The following GALNT15 variants were observed in gnomAD, a reference collection of about 807,000 sequenced individuals.
The protein encoded by GALNT15 is UDP-GalNAc transferase T15.
A neutral mutation model predicts 66.8 loss-of-function variants in GALNT15; 67 were observed. The ratio of observed to expected loss-of-function variants is 1.00; its 90% confidence interval spans 0.82 to 1.23. The LOEUF (loss-of-function observed/expected upper bound fraction) is 1.23. Among genes scored for constraint, GALNT15 ranks in the 50% most tolerant of loss-of-function variants. The pLI is 0.00. For missense variants in GALNT15, 827 were observed against 804.3 expected, an observed-to-expected ratio of 1.03 and a Z score of -0.34; for synonymous variants, 313 against 311.5, an observed-to-expected ratio of 1.00 and a Z score of -0.05.
downstream of GALNT15, chr3:16,232,031 A>G: frequency 7.5e-7 from 1 of 1,329,798 alleles, no homozygotes; most frequent in Non-Finnish European, 1.0e-6. Flanking sequence ...CAGATGCACC[A>G]ATGCAGAAAC....
downstream of GALNT15, among the ~76,000 whole-genome samples, chr3:16,236,317 A>G (rs9870618): frequency 9.0e-3 from 1,376 of 152,310 alleles, 22 homozygotes; most frequent in African/African-American, 0.031. Context: ...GGAAAGTGCT[A>G]TACACTGTTT....
chr3:16,184,552 G>A lies in GALNT15; in HGVS notation c.539+8862G>A, dbSNP rs556564599. Among the ~76,000 whole-genome samples, 1 of 152,252 alleles carries A rather than the reference G, an allele frequency of 6.6e-6. No individual in the cohort carries two copies. Among genetic ancestry groups the A allele is most frequent in the South Asian group, 2.1e-4 (1 of 4,822 alleles). On this transcript the variant is annotated intron_variant, in intron 1 of 9. Coordinates refer to ENST00000339732, the MANE Select transcript of GALNT15 (RefSeq NM_054110.5). The surrounding 1 kb of genome is among the most constrained non-coding windows in gnomAD (Gnocchi z 5.0). ...CTTCAGGTCTTGGCTTTGATTTCAC[G>A]TCCCTACATCCAGAACGTCTCACTA...
At position 16,184,037 on chromosome 3, in the gene GALNT15, C is replaced by T. The variant is rs1376913424; in HGVS notation, c.539+8347C>T. On this transcript the variant is annotated intron_variant, in intron 1 of 9. Transcript: ENST00000339732. This position sits in a 1 kb window ranked among gnomAD's most constrained non-coding sequence, Gnocchi z 5.0. ...ATTATCCCTTTCAATCCAGGACACA[C>T]CCCTGGGCTGGAGAAAGGTATCAAC... Among the ~76,000 whole-genome samples, 2 of 152,158 alleles carry T rather than the reference C, an allele frequency of 1.3e-5. No individual in the cohort carries two copies. The highest frequency in any genetic ancestry group is 2.4e-5 in the African/African-American group (1 of 41,418).
intron 1 of GALNT15, among the ~76,000 whole-genome samples, chr3:16,177,732 T>A (rs2063425604): frequency 6.6e-6 from 1 of 152,262 alleles, no homozygotes; most frequent in African/African-American, 2.4e-5. Flanking sequence ...TTTGCATATG[T>A]TCACGTGGTG....
In GALNT15 at chr3:16,180,408, C is replaced by G. The variant is rs1281593673; in HGVS notation, c.539+4718C>G. ...ATGCTCCATTTCTATCAAAGGCACTCCAAGGTGGCACCAGCACTGTTGGCC... is the reference window on the plus strand; with the variant it reads ...ATGCTCCATTTCTATCAAAGGCACTGCAAGGTGGCACCAGCACTGTTGGCC... On this transcript the variant is annotated intron_variant, in intron 1 of 9. Transcript: ENST00000339732. This position sits in a 1 kb window ranked among gnomAD's most constrained non-coding sequence, Gnocchi z 5.0. 6.6e-6 allele frequency among the ~76,000 whole-genome samples: 1 copy of G among 152,196 alleles called. No homozygotes were observed. The highest frequency in any genetic ancestry group is 1.5e-5 in the Non-Finnish European group (1 of 68,044).
chr3:16,222,107 A>C (rs7648940), intron 8 of GALNT15, among the ~76,000 whole-genome samples: 107,562 of 152,036 alleles, frequency 0.71, 38,581 homozygotes, highest in African/African-American at 0.79. Flanking sequence ...CTAATTAATC[A>C]TCACAAGATC....
rs1467728241 is a variant in GALNT15 at position 16,227,524 on chromosome 3, G to T, written c.*24G>T. 1.2e-6 allele frequency: 2 copies of T among 1,614,076 alleles called. No homozygotes were observed. Among genetic ancestry groups the T allele is most frequent in the Non-Finnish European group, 8.5e-7 (1 of 1,179,972 alleles). ...GAATGTCAATGTCAGAAGGAAAAGAGAATTTTGGCCATCAAAATCCAGCTC... is the reference window on the plus strand; with the variant it reads ...GAATGTCAATGTCAGAAGGAAAAGATAATTTTGGCCATCAAAATCCAGCTC... On this transcript the variant is annotated 3_prime_UTR_variant, in exon 10 of 10. Coordinates refer to ENST00000339732, the MANE Select transcript of GALNT15 (RefSeq NM_054110.5). This position sits in a 1 kb window ranked among gnomAD's most constrained non-coding sequence, Gnocchi z 4.5.
the GALNT15 span, among the ~76,000 whole-genome samples, chr3:16,242,820 G>A: frequency 3.9e-5 from 6 of 152,008 alleles, no homozygotes; most frequent in African/African-American, 1.5e-4. This position sits in a 1 kb window ranked among gnomAD's most constrained non-coding sequence, Gnocchi z 5.6. Context: ...TAAGAAGGAG[G>A]TGGTGGTAGG....
At chr3:16,237,602 G>A in the GALNT15 span, among the ~76,000 whole-genome samples, 3 of 152,200 alleles carry the variant, frequency 2.0e-5, no homozygotes, top group Non-Finnish European at 2.9e-5. The surrounding 1 kb of genome is among the most constrained non-coding windows in gnomAD (Gnocchi z 4.2). Flanking sequence ...TGAGTACCCA[G>A]GTGGAAGCCA....
At chr3:16,202,903 A>C (rs930471820) in intron 3 of GALNT15, among the ~76,000 whole-genome samples, 3 of 152,368 alleles carry the variant, frequency 2.0e-5, no homozygotes, top group African/African-American at 7.2e-5. Context: ...TCACACAGCC[A>C]TTTGACAACT....
rs766254616 is a variant in GALNT15, at chr3:16,176,810, A to T, written c.539+1120A>T. Among the ~76,000 whole-genome samples the T allele has an allele frequency of 1.3e-5, 2 of 152,128 alleles. No homozygotes were observed. Among genetic ancestry groups the T allele is most frequent in the African/African-American group, 4.8e-5 (2 of 41,410 alleles). ...GGAAGCAGGGCCACACACTCTTCGG[A>T]TCCCTGATCTAGTTCCCCTCAGCCT... is the stretch of plus-strand genomic sequence containing the variant. On this transcript the variant is annotated intron_variant, in intron 1 of 9. Transcript: ENST00000339732. This position sits in a 1 kb window ranked among gnomAD's most constrained non-coding sequence, Gnocchi z 5.6.
chr3:16,186,795 T>G lies in GALNT15; in HGVS notation c.540-8965T>G, dbSNP rs1191161553. Among the ~76,000 whole-genome samples, 1 of 152,032 alleles carries G rather than the reference T, an allele frequency of 6.6e-6. No individual in the cohort carries two copies. Among genetic ancestry groups the G allele is most frequent in the African/African-American group, 2.4e-5 (1 of 41,412 alleles). The stretch of plus-strand genomic sequence containing the variant: ...CGGGCTGTGGTAGTTGTGGGAGCAG[T>G]GGGAAGTGACTGCCAATGGGTAGTA... On this transcript the variant is annotated intron_variant, in intron 1 of 9. Transcript: ENST00000339732. The surrounding 1 kb of genome is among the most constrained non-coding windows in gnomAD (Gnocchi z 5.1).
chr3:16,210,575 G>T (rs1378939757), intron 4 of GALNT15, among the ~76,000 whole-genome samples: 1 of 152,150 alleles, frequency 6.6e-6, no homozygotes, highest in African/African-American at 2.4e-5. Flanking sequence ...CCTTATTAAA[G>T]GTTTCTAGCT....
chr3:16,208,375 T>G, intron 3 of GALNT15, 128 bp from the exon 4 acceptor site: 1 of 779,342 alleles, frequency 1.3e-6, no homozygotes, highest in Non-Finnish European at 2.0e-6. Context: ...CCACACCTGA[T>G]TTGGATAAAC....
Position 16,227,310 on chromosome 3 carries a change from T to C in GALNT15, c.1774-44T>C, listed in dbSNP as rs756377403. On this transcript the variant is annotated intron_variant, in intron 9 of 9. Transcript: ENST00000339732. This position sits in a 1 kb window ranked among gnomAD's most constrained non-coding sequence, Gnocchi z 4.5. ...AAAATATTTTCTTTTGCTGACTGAT[T>C]GTGGGGGACTGGTTTTCTTTTCTTT... 4.4e-6 allele frequency: 7 copies of C among 1,587,080 alleles called. No individual in the cohort carries two copies. The East Asian group carries it at 1.6e-4, about 35-fold the overall frequency.
the GALNT15 span, among the ~76,000 whole-genome samples, chr3:16,243,537 G>T: frequency 6.6e-6 from 1 of 152,168 alleles, no homozygotes; most frequent in East Asian, 1.9e-4. Context: ...CATACCTCTG[G>T]GTGATCAAAG....
rs1019606481 is a variant in GALNT15, at chr3:16,191,038, C to T, written c.540-4722C>T. Among the ~76,000 whole-genome samples the T allele has an allele frequency of 6.6e-6, 1 of 152,192 alleles. No homozygotes were observed. Among genetic ancestry groups the T allele is most frequent in the Non-Finnish European group, 1.5e-5 (1 of 68,032 alleles). On this transcript the variant is annotated intron_variant, in intron 1 of 9. Transcript: ENST00000339732. This position sits in a 1 kb window ranked among gnomAD's most constrained non-coding sequence, Gnocchi z 5.2. Reference sequence around the variant, plus strand: ...TCCCCCATAGCCTTGTAATGGCTTTCAAGAACCCATTTGGCCTTTCACATC... The same window carrying T: ...TCCCCCATAGCCTTGTAATGGCTTTTAAGAACCCATTTGGCCTTTCACATC...
At chr3:16,237,437 G>A in the GALNT15 span, among the ~76,000 whole-genome samples, 5 of 152,282 alleles carry the variant, frequency 3.3e-5, no homozygotes, top group South Asian at 1.0e-3. The surrounding 1 kb of genome is among the most constrained non-coding windows in gnomAD (Gnocchi z 4.2). Context: ...AATGGCCTGA[G>A]GCACCTCACC....
At position 16,195,183 on chromosome 3, in the gene GALNT15, G is replaced by A. The variant is rs1574976612; in HGVS notation, c.540-577G>A. Among the ~76,000 whole-genome samples, 1 of 152,278 alleles carries A rather than the reference G, an allele frequency of 6.6e-6. No homozygotes were observed. The highest frequency in any genetic ancestry group is 2.4e-5 in the African/African-American group (1 of 41,548). On this transcript the variant is annotated intron_variant, in intron 1 of 9. Coordinates refer to ENST00000339732, the MANE Select transcript of GALNT15 (RefSeq NM_054110.5). This position sits in a 1 kb window ranked among gnomAD's most constrained non-coding sequence, Gnocchi z 4.6. The stretch of plus-strand genomic sequence containing the variant: ...CGGGGAGTCCTGATCTTCCCAGAAG[G>A]CCAGGAGGGGTGTCCCTAGGTCATT...
Sources: gnomAD v4.1 joint callset for allele counts (sites outside exome capture counted in the v4.1 genomes callset) on GRCh38, gnomAD v4.1.1 for gene constraint, Gnocchi (gnomAD v3.1) non-coding constraint, MANE v1.5 for transcripts, NCBI Gene and HGNC (gene_info 2026-07-23, HGNC 2026-07-21) for gene names.